PAN3: variants seen among roughly 807,000 people sequenced by gnomAD.
PAN3 encodes PAN2-PAN3 deadenylation complex subunit PAN3.
PAN3 carries 19 observed loss-of-function variants against 96.2 expected under a neutral mutation model. The observed-to-expected ratio is 0.20, with a 90% CI of 0.14 to 0.29. The LOEUF (loss-of-function observed/expected upper bound fraction) is 0.29, where lower values mean the gene tolerates loss of function less well. Among genes scored for constraint, PAN3 ranks in the 10% least tolerant of loss-of-function variants. The probability of loss-of-function intolerance (pLI) is 1.00; values close to 1 mark genes in which losing one functional copy is unlikely to be tolerated. For synonymous variants in PAN3, 433 were observed against 406.6 expected, an observed-to-expected ratio of 1.06 and a Z score of -0.78; for missense variants, 882 against 1,108.1, an observed-to-expected ratio of 0.80 and a Z score of 2.90.
At chr13:28,150,536 C>G (rs1243302877) in intron 1 of PAN3, among the ~76,000 whole-genome samples, 2 of 150,856 alleles carry the variant, frequency 1.3e-5, no homozygotes, top group African/African-American at 4.9e-5. Flanking sequence ...ACTCGGGAGG[C>G]TGAGGCAGGA....
intron 8 of PAN3, 52 bp downstream of exon 8, chr13:28,260,603 TGAACAGGGGAAA>T (rs779025985): frequency 1.5e-6 from 2 of 1,373,868 alleles, no homozygotes; most frequent in Non-Finnish European, 2.1e-6. Context: ...TGTGCTTTAG[TGAACAGGGGAAA>T]GAACAGAGCT....
chr13:28,267,359 A>G lies in PAN3; in HGVS notation c.1750A>G (p.Asn584Asp). 6.2e-7 allele frequency: 1 copy of G among 1,613,844 alleles called. No individual in the cohort carries two copies. Among genetic ancestry groups the G allele is most frequent in the South Asian group, 1.1e-5 (1 of 91,076 alleles). The change falls in exon 12 of 19, where the codon AAT becomes GAT. Residue 584 changes from asparagine (N) to aspartate (D), a missense_variant. Asn to Asp is a conservative substitution (Grantham distance 23). This residue lies in a region of PAN3 where 364 missense variants were observed against 513.6 expected (regional missense o/e 0.71). Transcript: ENST00000380958. ...AGAAACTATGATGAGCAGACACTTT[A>G]ATGACCCTAATGCTGATGCCTACTT... ...GGETMMSRHF[N>D]DPNADAYFTK... is the part of the protein sequence containing the mutation.
Position 28,266,703 on chromosome 13 carries a change from G to GA in PAN3, c.1412-10dup. On this transcript the variant is annotated splice_polypyrimidine_tract_variant and intron_variant, in intron 9 of 18. Transcript: ENST00000380958. Reference sequence around the variant, plus strand: ...CTGTATTTTCAAGTCATCTTCTTATGAATTACTCTAGCAGTTCCTACAGAG... The same window carrying GA: ...CTGTATTTTCAAGTCATCTTCTTATGAAATTACTCTAGCAGTTCCTACAGAG... 1.3e-6 allele frequency: 2 copies of GA among 1,531,480 alleles called. No homozygotes were observed. Among genetic ancestry groups the GA allele is most frequent in the Non-Finnish European group, 1.8e-6 (2 of 1,140,558 alleles). The allele number at this position is 1,531,480 out of a possible 1,614,324, so 94.9% of individuals were successfully genotyped here.
chr13:28,148,549 A>G (rs1195175485), intron 1 of PAN3, among the ~76,000 whole-genome samples: 2 of 152,228 alleles, frequency 1.3e-5, no homozygotes, highest in African/African-American at 2.4e-5. Context: ...TAAAAATTTA[A>G]ATAGTGCAAA....
At chr13:28,269,671 G>A (rs1886450881) in intron 12 of PAN3, among the ~76,000 whole-genome samples, 1 of 152,084 alleles carries the variant, frequency 6.6e-6, no homozygotes, top group Admixed American at 6.6e-5. Flanking sequence ...CATTTAAACA[G>A]TTCATAGTCA....
intron 8 of PAN3, among the ~76,000 whole-genome samples, chr13:28,260,928 TA>T (rs1566238726): frequency 1.3e-5 from 2 of 152,226 alleles, no homozygotes; most frequent in Admixed American, 1.3e-4. Context: ...GAGAGCTCAA[TA>T]TTTTTTTAAA....
chr13:28,188,960 ATCT>A (rs776159400), intron 4 of PAN3, among the ~76,000 whole-genome samples: 7 of 152,248 alleles, frequency 4.6e-5, no homozygotes, highest in Admixed American at 2.0e-4. Flanking sequence ...AAGAGAATAG[ATCT>A]TCTTGATCAT....
chr13:28,244,159 T>C (rs1420534863), intron 6 of PAN3, among the ~76,000 whole-genome samples: 2 of 152,214 alleles, frequency 1.3e-5, no homozygotes, highest in East Asian at 1.9e-4. Context: ...TTTTAAGAAC[T>C]GTAGGTTAAG....
intron 13 of PAN3, 29 bp downstream of exon 13, chr13:28,270,895 T>C: frequency 6.2e-7 from 1 of 1,600,146 alleles, no homozygotes; most frequent in Non-Finnish European, 8.6e-7. Flanking sequence ...TTGGTTTCTT[T>C]TATTGAGCGT....
rs1490520078 is a variant in PAN3 at position 28,152,606 on chromosome 13, A to G, written c.430+13519A>G. Among the ~76,000 whole-genome samples, 4 of 152,154 alleles carry G rather than the reference A, an allele frequency of 2.6e-5. No individual in the cohort carries two copies. In the East Asian group the frequency reaches 7.7e-4, roughly 29 times the overall value. On this transcript the variant is annotated intron_variant, in intron 1 of 18. Coordinates refer to ENST00000380958, the MANE Select transcript of PAN3 (RefSeq NM_175854.8). ...TGAAAAAAAAACCAAAAAACAAAAA[A>G]AAATGTGTATCTTATTACAGTTGAG...
chr13:28,274,075 C>T (rs950783628), intron 14 of PAN3, among the ~76,000 whole-genome samples: 8 of 152,178 alleles, frequency 5.3e-5, no homozygotes, highest in Admixed American at 5.2e-4. Flanking sequence ...CCTTCTTTCC[C>T]TCTGCTTGTG....
intron 6 of PAN3, among the ~76,000 whole-genome samples, chr13:28,235,722 C>CACACACAT (rs763204992): frequency 1.3e-4 from 20 of 148,948 alleles, no homozygotes; most frequent in African/African-American, 5.0e-4. Flanking sequence ...CACACACACA[C>CACACACAT]ATATATATAT....
chr13:28,187,810 A>G (rs1221424344), intron 4 of PAN3, among the ~76,000 whole-genome samples: 2 of 151,848 alleles, frequency 1.3e-5, no homozygotes, highest in Non-Finnish European at 2.9e-5. Context: ...CTCCTGTCTC[A>G]TCTACCCAAC....
rs777654647 is a variant in PAN3, at chr13:28,271,961, A to C, written c.1959-20A>C. On this transcript the variant is annotated intron_variant, in intron 13 of 18. Transcript: ENST00000380958. ...AAAACTTATTTTAATTATTTTCTTT[A>C]AATTATCTGGTCCTTAAAGGTTGCG... 13 of 1,458,142 alleles carry C rather than the reference A, an allele frequency of 8.9e-6. No individual in the cohort carries two copies. The highest frequency in any genetic ancestry group is 4.5e-5 in the Admixed American group (2 of 44,224). 90.3% of individuals were successfully genotyped at this position (1,458,142 alleles called of 1,614,324 possible).
chr13:28,169,222 CT>C (rs202200725), intron 1 of PAN3, among the ~76,000 whole-genome samples: 3,336 of 74,808 alleles, frequency 0.045, no homozygotes, highest in African/African-American at 0.09. Flanking sequence ...TTTTTGTTTG[CT>C]TTTTTTTTTT....
chr13:28,166,258 GA>G (rs764216216), intron 1 of PAN3, among the ~76,000 whole-genome samples: 4 of 152,182 alleles, frequency 2.6e-5, no homozygotes, highest in African/African-American at 4.8e-5. Context: ...ACACAGGATA[GA>G]TACTTCCATT....
intron 4 of PAN3, among the ~76,000 whole-genome samples, chr13:28,189,482 C>T (rs1243952346): frequency 6.6e-6 from 1 of 152,020 alleles, no homozygotes; most frequent in African/African-American, 2.4e-5. Context: ...TGCCACTGCA[C>T]TCCAGCCTGG....
chr13:28,140,629 GC>G (rs1869623828), intron 1 of PAN3, among the ~76,000 whole-genome samples: 3 of 152,248 alleles, frequency 2.0e-5, no homozygotes, highest in African/African-American at 7.2e-5. Context: ...CGATCTTCCT[GC>G]CTGGGCCTCC....
At chr13:28,262,068 G>A (rs76306233) in intron 9 of PAN3, among the ~76,000 whole-genome samples, 3,784 of 152,196 alleles carry the variant, frequency 0.025, 67 homozygotes, top group Non-Finnish European at 0.037. Context: ...ACTACTGTGT[G>A]CCAGACAGTA....
Sources: gnomAD v4.1 joint callset for allele counts (sites outside exome capture counted in the v4.1 genomes callset) on GRCh38, gnomAD v4.1.1 for gene constraint, gnomAD v4.1.1 regional missense constraint, MANE v1.5 for transcripts, NCBI Gene and HGNC (gene_info 2026-07-23, HGNC 2026-07-21) for gene names.